GPHN: variants seen among roughly 807,000 people sequenced by gnomAD.
GPHN encodes gephyrin.
In GPHN, 17 loss-of-function variants were observed where a neutral mutation model predicts 95.5. The ratio of observed to expected loss-of-function variants is 0.18; its 90% CI spans 0.12 to 0.27. The LOEUF is 0.27. GPHN is among the 10% of genes least tolerant of loss of function. The probability of loss-of-function intolerance (pLI) is 1.00; values close to 1 mark genes in which losing one functional copy is unlikely to be tolerated. For missense variants in GPHN, 660 were observed against 978.1 expected (o/e 0.67, Z 4.34); for synonymous variants, 320 against 322.5 (o/e 0.99, Z 0.08).
At chr14:67,633,605 C>T in the GPHN span, among the ~76,000 whole-genome samples, 1 of 152,166 alleles carries the variant, frequency 6.6e-6, no homozygotes, top group African/African-American at 2.4e-5. Flanking sequence ...TGGCACTCTG[C>T]TTCTCCAGAC....
the GPHN span, among the ~76,000 whole-genome samples, chr14:67,360,939 G>T: frequency 1.8e-3 from 280 of 152,260 alleles, 1 homozygote; most frequent in African/African-American, 6.5e-3. Context: ...TGTGGGACGG[G>T]CACCGTGTTG....
intron 19 of GPHN, among the ~76,000 whole-genome samples, chr14:67,164,270 C>CAAAAAA (rs780524695): frequency 2.1e-5 from 1 of 46,640 alleles, no homozygotes; most frequent in Non-Finnish European, 3.9e-5. Context: ...ACTCCATCTC[C>CAAAAAA]AAAAAAAAAA....
chr14:67,701,419 T>G, the GPHN span, among the ~76,000 whole-genome samples: 2 of 139,500 alleles, frequency 1.4e-5, no homozygotes, highest in African/African-American at 5.2e-5. Context: ...AACTTTATTA[T>G]AATTTCTTTT....
chr14:66,660,078 G>A (rs911381694), intron 1 of GPHN, among the ~76,000 whole-genome samples: 3 of 151,244 alleles, frequency 2.0e-5, no homozygotes, highest in Admixed American at 1.3e-4. Flanking sequence ...TTTTCTAGTG[G>A]TTGTTTATTG....
intron 2 of GPHN, among the ~76,000 whole-genome samples, chr14:66,757,199 A>G (rs1339394596): frequency 6.6e-6 from 1 of 152,216 alleles, no homozygotes; most frequent in Non-Finnish European, 1.5e-5. Flanking sequence ...TATTTGAACT[A>G]AAGTTGATAC....
At chr14:67,600,430 A>C in the GPHN span, 2 of 514,894 alleles carry the variant, frequency 3.9e-6, no homozygotes, top group Non-Finnish European at 6.8e-6. Flanking sequence ...GCAATAGTTA[A>C]GTGGAAAGAT....
the GPHN span, among the ~76,000 whole-genome samples, chr14:67,706,503 G>A: frequency 1.3e-5 from 2 of 152,206 alleles, no homozygotes. Context: ...ATGAACATCG[G>A]TTTGGTCTGG....
chr14:67,689,288 T>G, the GPHN span, among the ~76,000 whole-genome samples: 2 of 152,246 alleles, frequency 1.3e-5, no homozygotes, highest in African/African-American at 4.8e-5. Flanking sequence ...CACCTGTGCC[T>G]GATTCCTTGA....
chr14:66,586,463 A>G (rs556042870), intron 1 of GPHN, among the ~76,000 whole-genome samples: 1 of 152,112 alleles, frequency 6.6e-6, no homozygotes, highest in South Asian at 2.1e-4. Flanking sequence ...TCGTTAGTTG[A>G]TGCAGTTTCT....
chr14:66,748,188 A>G (rs1382830248), intron 2 of GPHN, among the ~76,000 whole-genome samples: 1 of 152,068 alleles, frequency 6.6e-6, no homozygotes, highest in Non-Finnish European at 1.5e-5. Flanking sequence ...TAGGTTAATT[A>G]CCCCATTACT....
chr14:66,930,291 TTA>T, intron 8 of GPHN, among the ~76,000 whole-genome samples: 1 of 152,236 alleles, frequency 6.6e-6, no homozygotes, highest in East Asian at 1.9e-4. Flanking sequence ...ATTTCTTACT[TTA>T]TATTTTTTGT....
chr14:66,881,338 C>T (rs951511208), intron 5 of GPHN, among the ~76,000 whole-genome samples: 10 of 151,762 alleles, frequency 6.6e-5, no homozygotes, highest in African/African-American at 2.4e-4. Flanking sequence ...ACTTATATTA[C>T]CTACACCAAT....
At chr14:67,542,075 C>G in the GPHN span, 132,000 of 1,302,220 alleles carry the variant, frequency 0.1, 6,959 homozygotes, top group Middle Eastern at 0.16. Flanking sequence ...GGGAGAGTTG[C>G]GGAAAGTCAA....
rs536901732 is a variant in GPHN, at chr14:67,107,091, G to A, written c.1294-3049G>A. Among the ~76,000 whole-genome samples, 6 of 152,300 alleles carry A rather than the reference G, an allele frequency of 3.9e-5. No individual in the cohort carries two copies. In the East Asian group the frequency reaches 1.2e-3, roughly 29 times the overall value. ...GTTGCATTCAATGTCAGTAATAACT[G>A]TGAGTACCTCAGTGGCCTAATCCAT... On this transcript the variant is annotated intron_variant, in intron 13 of 22. Coordinates refer to ENST00000478722, the MANE Select transcript of GPHN (RefSeq NM_020806.5).
At chr14:67,680,813 T>C in the GPHN span, among the ~76,000 whole-genome samples, 1 of 152,190 alleles carries the variant, frequency 6.6e-6, no homozygotes, top group Non-Finnish European at 1.5e-5. Context: ...AGTATTGACA[T>C]TTCCAGGGGG....
intron 11 of GPHN, among the ~76,000 whole-genome samples, chr14:67,067,746 G>C (rs1434348674): frequency 6.6e-6 from 1 of 152,184 alleles, no homozygotes; most frequent in Non-Finnish European, 1.5e-5. Context: ...CCATGGGTTT[G>C]GGACCTGCCA....
the GPHN span, among the ~76,000 whole-genome samples, chr14:67,624,969 G>A: frequency 1.3e-5 from 2 of 152,280 alleles, no homozygotes; most frequent in South Asian, 2.1e-4. Flanking sequence ...CAGGAGGCTG[G>A]CAGTTACTGC....
At chr14:66,523,004 A>G (rs1392351333) in intron 1 of GPHN, among the ~76,000 whole-genome samples, 1 of 152,078 alleles carries the variant, frequency 6.6e-6, no homozygotes, top group Non-Finnish European at 1.5e-5. Flanking sequence ...ATGATCTCTA[A>G]AATCCCCTTC....
chr14:66,917,351 G>C (rs1218090894), intron 6 of GPHN, among the ~76,000 whole-genome samples: 1 of 152,076 alleles, frequency 6.6e-6, no homozygotes, highest in Non-Finnish European at 1.5e-5. Context: ...AAATAAGAGT[G>C]GTCTCAGCAA....
Sources: allele counts gnomAD v4.1 joint callset (sites outside exome capture counted in the v4.1 genomes callset), GRCh38; gene constraint gnomAD v4.1.1; transcripts MANE v1.5; gene names NCBI Gene and HGNC (gene_info 2026-07-23, HGNC 2026-07-21).